The following SP1 variants were observed in gnomAD, a reference collection of about 807,000 sequenced individuals.
SP1 encodes transcription factor Sp1.
In SP1, 6 loss-of-function variants were observed where a neutral mutation model predicts 66.3. That is an observed-to-expected ratio of 0.09 (90% CI 0.05 to 0.18). The LOEUF (loss-of-function observed/expected upper bound fraction) is 0.18. SP1 is among the 10% of genes least tolerant of loss of function. The probability of loss-of-function intolerance (pLI) is 1.00; values close to 1 mark genes in which losing one functional copy is unlikely to be tolerated. For missense variants in SP1, 848 were observed against 964.5 expected (o/e 0.88, Z 1.60); for synonymous variants, 417 against 360.8 (o/e 1.16, Z -1.77).
At chr12:53,401,694 C>T (rs1009687720) in intron 3 of SP1, among the ~76,000 whole-genome samples, 1 of 152,004 alleles carries the variant, frequency 6.6e-6, no homozygotes. Context: ...TTTGCCACTC[C>T]TTAAGATATT....
In SP1 at chr12:53,381,717, T is replaced by G; in HGVS notation, c.66T>G (p.Gly22=). ...TAVVKIEKGV[G]GNNGGNGNGG... is the part of the protein sequence containing the mutation. ...TGGTGAAAATTGAAAAAGGAGTTGG[T>G]GGCAATAATGGGGGCAATGGTAATG... Residue 22 remains glycine, a synonymous_variant, in exon 2 of 6, where the codon GGT becomes GGG. Coordinates refer to ENST00000327443, the MANE Select transcript of SP1 (RefSeq NM_138473.3). 6.2e-7 allele frequency: 1 copy of G among 1,613,940 alleles called. No homozygotes were observed. The highest frequency in any genetic ancestry group is 8.5e-7 in the Non-Finnish European group (1 of 1,179,866).
chr12:53,400,294 C>A (rs1244316706), intron 3 of SP1, among the ~76,000 whole-genome samples: 1 of 152,160 alleles, frequency 6.6e-6, no homozygotes, highest in Admixed American at 6.6e-5. Flanking sequence ...TGGCTTCTTT[C>A]AATTAGCATA....
In SP1 at chr12:53,414,867, C is replaced by G. The variant is rs1267026133; in HGVS notation, c.*3627C>G. On this transcript the variant is annotated 3_prime_UTR_variant, in exon 6 of 6. Coordinates refer to ENST00000327443, the MANE Select transcript of SP1 (RefSeq NM_138473.3). ...GTTTTCAGTGTAAGTACCCTGATGC[C>G]TTTTGGACCTTGGGATCAGATCAAG... is the stretch of plus-strand genomic sequence containing the variant. The G allele has an allele frequency of 1.3e-5, 2 of 152,518 alleles. No individual in the cohort carries two copies. The highest frequency in any genetic ancestry group is 4.8e-5 in the African/African-American group (2 of 41,386). The allele number at this position is 152,518 out of a possible 1,614,324, so 9.4% of individuals were successfully genotyped here.
intron 1 of SP1, among the ~76,000 whole-genome samples, chr12:53,380,910 C>T (rs922898407): frequency 4.0e-5 from 6 of 151,414 alleles, no homozygotes; most frequent in Non-Finnish European, 2.9e-5. Context: ...TTCTTTTTCC[C>T]CTCTCGTTAC....
chr12:53,387,005 C>A (rs1411298804), intron 3 of SP1, among the ~76,000 whole-genome samples: 2 of 142,482 alleles, frequency 1.4e-5, no homozygotes, highest in African/African-American at 5.4e-5. Context: ...GGCTGGAGTG[C>A]AGTGGTGCGA....
intron 3 of SP1, among the ~76,000 whole-genome samples, chr12:53,399,729 C>T (rs556591815): frequency 6.6e-5 from 10 of 152,130 alleles, no homozygotes; most frequent in Non-Finnish European, 1.2e-4. Flanking sequence ...CCTCCGCCTC[C>T]TGGGTTCAAG....
intron 3 of SP1, among the ~76,000 whole-genome samples, chr12:53,404,703 T>A (rs1203999052): frequency 2.6e-5 from 4 of 152,182 alleles, no homozygotes; most frequent in Admixed American, 1.3e-4. Context: ...AATCTTGTTC[T>A]GTTGGCCAGG....
intron 3 of SP1, among the ~76,000 whole-genome samples, chr12:53,383,886 T>C (rs1231069285): frequency 6.6e-6 from 1 of 152,190 alleles, no homozygotes; most frequent in African/African-American, 2.4e-5. Context: ...TGCTGCAGAA[T>C]AATGGTTGAC....
chr12:53,381,999 C>A, intron 2 of SP1, 111 bp from the exon 3 acceptor site: 1 of 1,201,772 alleles, frequency 8.3e-7, no homozygotes, highest in Non-Finnish European at 1.2e-6. Context: ...CTTTTTGTTT[C>A]TGTTTTTTGC....
chr12:53,409,218 C>G (rs1592573581), intron 4 of SP1, 144 bp from the exon 5 acceptor site: 2 of 651,288 alleles, frequency 3.1e-6, no homozygotes, highest in Non-Finnish European at 2.6e-6. Context: ...GAGTGAGACT[C>G]TCTCAAAAAA....
rs1273828882 is a variant in SP1 at position 53,382,586 on chromosome 12, G to T, written c.639G>T (p.Gln213His). The T allele has an allele frequency of 3.7e-6, 6 of 1,614,084 alleles. No homozygotes were observed. Among genetic ancestry groups the T allele is most frequent in the Non-Finnish European group, 5.1e-6 (6 of 1,180,046 alleles). ...AGATCATACCAGGTGCAAACCAACA[G>T]ATTATCACAAATCGAGGAAGTGGAG... ...QIQIIPGANQ[Q>H]IITNRGSGGN... The change falls in exon 3 of 6, where the codon CAG becomes CAT. Residue 213 changes from glutamine to histidine, a missense_variant. Physicochemically the swap from Gln to His is conservative, Grantham distance 24. This residue lies in a region of SP1 where 606 missense variants were observed against 589.9 expected (regional missense o/e 1.03). Coordinates refer to ENST00000327443, the MANE Select transcript of SP1 (RefSeq NM_138473.3).
chr12:53,404,054 C>T (rs1004161046), intron 3 of SP1, among the ~76,000 whole-genome samples: 1 of 151,650 alleles, frequency 6.6e-6, no homozygotes, highest in African/African-American at 2.4e-5. Context: ...GCCTGTAGTC[C>T]CACCTACTAG....
At chr12:53,394,918 A>G (rs1012380942) in intron 3 of SP1, among the ~76,000 whole-genome samples, 1 of 151,724 alleles carries the variant, frequency 6.6e-6, no homozygotes, top group Non-Finnish European at 1.5e-5. Flanking sequence ...CAGGCTGGAG[A>G]TAAGGTCTTT....
intron 3 of SP1, among the ~76,000 whole-genome samples, chr12:53,397,746 G>T (rs1162732319): frequency 6.6e-6 from 1 of 151,762 alleles, no homozygotes; most frequent in Non-Finnish European, 1.5e-5. Context: ...TAGAGATAGG[G>T]TTTCACCATG....
intron 3 of SP1, among the ~76,000 whole-genome samples, chr12:53,394,987 C>G (rs1045454518): frequency 5.9e-5 from 9 of 151,992 alleles, no homozygotes; most frequent in Admixed American, 6.6e-5. Flanking sequence ...GACTCAGCCT[C>G]CCCAGTAGCT....
intron 3 of SP1, among the ~76,000 whole-genome samples, chr12:53,398,701 C>T (rs1220257815): frequency 6.6e-6 from 1 of 152,152 alleles, no homozygotes; most frequent in Non-Finnish European, 1.5e-5. Context: ...ATGCAAATTA[C>T]AGTTTCAGTG....
At position 53,380,241 on chromosome 12, in the gene SP1, C is replaced by A. The variant is rs777978473; in HGVS notation, c.-51C>A. ...CAGCGTCCGCGTTTTTCCCGGCCCC[C>A]CCCAACCCCCCCGGACAGGACCCCC... On this transcript the variant is annotated 5_prime_UTR_variant, in exon 1 of 6. Coordinates refer to ENST00000327443, the MANE Select transcript of SP1 (RefSeq NM_138473.3). 1 of 1,272,246 alleles carries A rather than the reference C, an allele frequency of 7.9e-7. No individual in the cohort carries two copies. The highest frequency in any genetic ancestry group is 2.3e-5 in the East Asian group (1 of 42,630). The allele number at this position is 1,272,246 out of a possible 1,614,324, so 78.8% of individuals were successfully genotyped here.
rs1036870763 is a variant in SP1, at chr12:53,412,291, ATAGG to A, written c.*1056_*1059del. 1.0e-4 allele frequency: 16 copies of A among 152,634 alleles called. No homozygotes were observed. The highest frequency in any genetic ancestry group is 4.1e-4 in the South Asian group (2 of 4,830). 9.5% of individuals were successfully genotyped at this position (152,634 alleles called of 1,614,324 possible). On this transcript the variant is annotated 3_prime_UTR_variant, in exon 6 of 6. Transcript: ENST00000327443. ...GTATAAACTGTCAAATTTTCAAATA[ATAGG>A]TAGGGGGCTTTCACTAGGAAAATCA... is the stretch of plus-strand genomic sequence containing the variant.
intron 4 of SP1, 64 bp from the exon 5 acceptor site, chr12:53,409,298 G>A: frequency 7.4e-7 from 1 of 1,350,958 alleles, no homozygotes; most frequent in Non-Finnish European, 1.0e-6. Flanking sequence ...GATTGCTGTT[G>A]ATACTTTGTG....
Sources: gnomAD v4.1 joint callset for allele counts (sites outside exome capture counted in the v4.1 genomes callset) on GRCh38, gnomAD v4.1.1 for gene constraint, gnomAD v4.1.1 regional missense constraint, MANE v1.5 for transcripts, NCBI Gene and HGNC (gene_info 2026-07-23, HGNC 2026-07-21) for gene names.